Variants in PTBP3 observed in about 807,000 individuals in gnomAD.
PTBP3 encodes polypyrimidine tract binding protein 3, also known as polypyrimidine tract-binding protein 3.
Under a neutral mutation model 58.7 loss-of-function variants are expected in PTBP3, and 20 were observed. The ratio of observed to expected loss-of-function variants is 0.34; its 90% CI spans 0.24 to 0.50. The LOEUF is 0.50. Ranked by LOEUF, PTBP3 falls within the 20% of genes least tolerant of loss-of-function variation. PTBP3 has a pLI of 0.98. For synonymous variants in PTBP3, 185 were observed against 219.8 expected (o/e 0.84, Z 1.40); for missense variants, 509 against 637.2 (o/e 0.80, Z 2.17).
chr9:112,255,134 T>C (rs1836293432), intron 5 of PTBP3, among the ~76,000 whole-genome samples: 1 of 152,150 alleles, frequency 6.6e-6, no homozygotes, highest in Non-Finnish European at 1.5e-5. Flanking sequence ...ATAGTTCCAC[T>C]TACATGAGGA....
chr9:112,319,130 G>GA (rs1436224750), intron 1 of PTBP3, among the ~76,000 whole-genome samples: 5,069 of 29,416 alleles, frequency 0.17, 362 homozygotes, highest in African/African-American at 0.34. Context: ...TCCGTCTCAA[G>GA]AAAAAAAAAA....
chr9:112,320,791 G>A (rs1438015603), intron 1 of PTBP3, among the ~76,000 whole-genome samples: 1 of 152,174 alleles, frequency 6.6e-6, no homozygotes, highest in Non-Finnish European at 1.5e-5. Flanking sequence ...ATTCAGTCTG[G>A]AGAGGAAAAT....
chr9:112,260,863 G>T (rs146357311), intron 5 of PTBP3, among the ~76,000 whole-genome samples: 1 of 152,184 alleles, frequency 6.6e-6, no homozygotes, highest in African/African-American at 2.4e-5. Context: ...AGGACACTCA[G>T]AATTAGTCCT....
intron 1 of PTBP3, among the ~76,000 whole-genome samples, chr9:112,329,394 C>T (rs976002686): frequency 7.2e-6 from 1 of 139,668 alleles, no homozygotes; most frequent in Non-Finnish European, 1.5e-5. Flanking sequence ...CCAGCCTGGG[C>T]AACAGGGAGG....
chr9:112,373,999 G>C, the PTBP3 span, among the ~76,000 whole-genome samples: 1,598 of 152,182 alleles, frequency 0.011, 67 homozygotes, highest in East Asian at 0.082. Flanking sequence ...TCCTGGTGGG[G>C]TGACCCAAAC....
chr9:112,274,338 T>C (rs1827515536), intron 3 of PTBP3, among the ~76,000 whole-genome samples: 1 of 152,236 alleles, frequency 6.6e-6, no homozygotes, highest in Non-Finnish European at 1.5e-5. Context: ...CTTAAACCTA[T>C]TATTTATCAA....
chr9:112,309,783 G>A (rs1467295000), intron 1 of PTBP3, among the ~76,000 whole-genome samples: 8 of 147,826 alleles, frequency 5.4e-5, no homozygotes, highest in Admixed American at 1.3e-4. Flanking sequence ...GAGAGACTCC[G>A]TCTCAAAAAA....
chr9:112,237,854 G>A (rs576321731), intron 7 of PTBP3, among the ~76,000 whole-genome samples: 1 of 152,298 alleles, frequency 6.6e-6, no homozygotes, highest in East Asian at 1.9e-4. Context: ...GACCAGCAGA[G>A]AAGGGAGAAA....
chr9:112,370,101 G>C, the PTBP3 span, among the ~76,000 whole-genome samples: 1 of 152,170 alleles, frequency 6.6e-6, no homozygotes, highest in East Asian at 1.9e-4. Flanking sequence ...AAATGATCCA[G>C]TCTCAGGTGT....
chr9:112,320,291 A>AAATATATAT (rs1411646280), intron 1 of PTBP3, among the ~76,000 whole-genome samples: 4 of 73,536 alleles, frequency 5.4e-5, no homozygotes, highest in African/African-American at 3.6e-4. Context: ...AAAAAAAAAA[A>AAATATATAT]ATATATATAT....
chr9:112,290,489 T>C (rs373629639), intron 2 of PTBP3, among the ~76,000 whole-genome samples: 6 of 150,272 alleles, frequency 4.0e-5, no homozygotes, highest in African/African-American at 1.5e-4. Flanking sequence ...CTGGCCAACA[T>C]GGTAAAACCC....
chr9:112,227,659 A>T, intron 11 of PTBP3, 32 bp from the exon 12 acceptor site: 5 of 1,512,514 alleles, frequency 3.3e-6, no homozygotes, highest in Non-Finnish European at 4.6e-6. Flanking sequence ...TTAAAGTTTG[A>T]GTATTAGGAT....
intron 2 of PTBP3, among the ~76,000 whole-genome samples, chr9:112,295,355 C>A (rs1395505148): frequency 6.7e-6 from 1 of 150,100 alleles, no homozygotes. Context: ...GTCTCTGTTA[C>A]AGATGCCTGT....
At chr9:112,288,449 C>G (rs958183105) in intron 2 of PTBP3, among the ~76,000 whole-genome samples, 9 of 152,210 alleles carry the variant, frequency 5.9e-5, no homozygotes, top group Non-Finnish European at 1.5e-5. Flanking sequence ...TCCCAGGTAA[C>G]TCAACCTTCC....
chr9:112,276,181 C>A (rs959371240), intron 2 of PTBP3, among the ~76,000 whole-genome samples, 168 bp from the exon 3 acceptor site: 1 of 152,174 alleles, frequency 6.6e-6, no homozygotes, highest in African/African-American at 2.4e-5. Flanking sequence ...ACAAAACCAA[C>A]TACCTTTTAA....
At chr9:112,359,774 C>A in the PTBP3 span, among the ~76,000 whole-genome samples, 2 of 151,976 alleles carry the variant, frequency 1.3e-5, no homozygotes, top group Non-Finnish European at 2.9e-5. Flanking sequence ...GAGCCGAGAT[C>A]GTGCCATTGC....
At chr9:112,373,055 G>C in the PTBP3 span, among the ~76,000 whole-genome samples, 5 of 151,712 alleles carry the variant, frequency 3.3e-5, no homozygotes, top group African/African-American at 1.2e-4. Context: ...CACCATGCCC[G>C]GCTAATTTTT....
the PTBP3 span, among the ~76,000 whole-genome samples, chr9:112,379,032 C>CA: frequency 1.3e-5 from 2 of 152,132 alleles, no homozygotes; most frequent in South Asian, 2.1e-4. Context: ...ACTAAAAACA[C>CA]AAAAAAATTA....
At chr9:112,363,026 G>T in the PTBP3 span, 1 of 195,662 alleles carries the variant, frequency 5.1e-6, no homozygotes, top group South Asian at 8.8e-5. Context: ...GTGTCCTCTG[G>T]AACTGCAAAG....
Sources: gnomAD v4.1 joint callset for allele counts (sites outside exome capture counted in the v4.1 genomes callset) on GRCh38, gnomAD v4.1.1 for gene constraint, MANE v1.5 for transcripts, NCBI Gene and HGNC (gene_info 2026-07-23, HGNC 2026-07-21) for gene names.